The following OR8G5 variants were observed in gnomAD, a reference collection of about 807,000 sequenced individuals.
The protein encoded by OR8G5 is olfactory receptor family 8 subfamily G member 5.
For missense variants in OR8G5, 347 were observed against 371.9 expected (o/e 0.93, Z 0.55); for synonymous variants, 147 against 147.7 (o/e 1.00, Z 0.03).
intron 1 of OR8G5, among the ~76,000 whole-genome samples, chr11:124,259,219 A>G (rs1188918136): frequency 1.3e-5 from 2 of 152,182 alleles, no homozygotes; most frequent in Non-Finnish European, 2.9e-5. Flanking sequence ...AAAGATTCTG[A>G]TTCACTAAAT....
At chr11:124,263,470 G>A (rs986737567) in intron 1 of OR8G5, among the ~76,000 whole-genome samples, 7 of 150,962 alleles carry the variant, frequency 4.6e-5, no homozygotes, top group Non-Finnish European at 1.0e-4. Context: ...TTAACATTAG[G>A]TATATCTCCT....
At position 124,265,812 on chromosome 11, in the gene OR8G5, A is replaced by C. The variant is rs1862024746; in HGVS notation, c.881A>C (p.Asn294Thr). 1 of 1,613,880 alleles carries C rather than the reference A, an allele frequency of 6.2e-7. No homozygotes were observed. The highest frequency in any genetic ancestry group is 1.3e-5 in the African/African-American group (1 of 74,922). The stretch of plus-strand genomic sequence containing the variant: ...AACCCCCTGATCTACAGCCTGAGGA[A>C]TAAAGATGTCCACGTTGCCCTGAAG... ...MLNPLIYSLRNKDVHVALKKT... is the reference protein window; with the variant it reads ...MLNPLIYSLRTKDVHVALKKT... Residue 294 changes from asparagine (N) to threonine (T), a missense_variant, in exon 2 of 2, where the codon AAT (asparagine) becomes ACT (threonine). By Grantham distance (65) the Asn-to-Thr change is moderately conservative (BLOSUM62 0). Transcript: ENST00000641992.
chr11:124,262,244 G>T (rs1465091967), intron 1 of OR8G5, among the ~76,000 whole-genome samples: 1 of 151,728 alleles, frequency 6.6e-6, no homozygotes, highest in African/African-American at 2.4e-5. Context: ...CAGACTTCTA[G>T]CATGAATGAT....
In OR8G5 at chr11:124,265,033, C is replaced by CT; in HGVS notation, c.103dup (p.Tyr35LeufsTer36). On this transcript the variant is annotated frameshift_variant, in exon 2 of 2. Transcript: ENST00000641992. LOFTEE classifies it low-confidence loss of function (END_TRUNC). The stretch of plus-strand genomic sequence containing the variant: ...CCCTCTTCCTCGTCTTCCTGGGAAT[C>CT]TATGTAGTCACAGTGCTGGGGAACC... 1.9e-6 allele frequency: 3 copies of CT among 1,614,120 alleles called. No individual in the cohort carries two copies. Among genetic ancestry groups the CT allele is most frequent in the Non-Finnish European group, 2.5e-6 (3 of 1,179,988 alleles).
Position 124,265,637 on chromosome 11 carries a change from A to G in OR8G5, c.706A>G (p.Lys236Glu), listed in dbSNP as rs1565320713. The G allele has an allele frequency of 6.2e-7, 1 of 1,614,050 alleles. No individual in the cohort carries two copies. The stretch of plus-strand genomic sequence containing the variant: ...CATTCGCTACACTGAGGGCAGGTCC[A>G]AAGCCTTCAGCACTTGCAGCTCCCA... ...LRIRYTEGRSKAFSTCSSHIS... is the reference protein window; with the variant it reads ...LRIRYTEGRSEAFSTCSSHIS... The change falls in exon 2 of 2, where the codon AAA becomes GAA. Residue 236 changes from lysine (K) to glutamate (E), a missense_variant. Physicochemically the swap from Lys to Glu is moderately conservative, Grantham distance 56. Transcript: ENST00000641992.
At chr11:124,256,750 TATTC>T (rs1861917399) in intron 1 of OR8G5, 116 bp downstream of exon 1, 1 of 150,998 alleles carries the variant, frequency 6.6e-6, no homozygotes. Flanking sequence ...ATCAATCATT[TATTC>T]TTAAAAGTAC....
At chr11:124,260,177 T>G (rs1474848174) in intron 1 of OR8G5, among the ~76,000 whole-genome samples, 1 of 42,246 alleles carries the variant, frequency 2.4e-5, no homozygotes, top group African/African-American at 5.6e-5. Context: ...AGTCATGCAT[T>G]TTTTTTGTCT....
At chr11:124,262,524 A>G (rs924826255) in intron 1 of OR8G5, among the ~76,000 whole-genome samples, 2 of 152,038 alleles carry the variant, frequency 1.3e-5, no homozygotes, top group Non-Finnish European at 2.9e-5. Flanking sequence ...AGAGAGCTAC[A>G]CTGGTGAATA....
intron 1 of OR8G5, among the ~76,000 whole-genome samples, chr11:124,263,666 A>G (rs1431539025): frequency 6.6e-6 from 1 of 151,958 alleles, no homozygotes; most frequent in Non-Finnish European, 1.5e-5. Flanking sequence ...TGTTCTTTCT[A>G]AGAAATCATA....
intron 1 of OR8G5, among the ~76,000 whole-genome samples, chr11:124,258,910 TAATA>T (rs1288803642): frequency 6.6e-6 from 1 of 152,226 alleles, no homozygotes; most frequent in Non-Finnish European, 1.5e-5. Flanking sequence ...AATTGTTTTT[TAATA>T]AATAAGCTAT....
intron 1 of OR8G5, among the ~76,000 whole-genome samples, chr11:124,260,608 G>A (rs1861960866): frequency 6.6e-6 from 1 of 151,706 alleles, no homozygotes. Context: ...CTATACATAA[G>A]TTTGAGAGAC....
chr11:124,258,485 G>C (rs1334538039), intron 1 of OR8G5, among the ~76,000 whole-genome samples: 3 of 151,834 alleles, frequency 2.0e-5, no homozygotes, highest in African/African-American at 7.3e-5. Flanking sequence ...TTGAACCCAG[G>C]AGGTGAAGGT....
chr11:124,264,917 G>A lies in OR8G5; in HGVS notation c.-14-1G>A, dbSNP rs377083928. On this transcript the variant is annotated splice_acceptor_variant, in intron 1 of 1. Transcript: ENST00000641992. LOFTEE classifies it low-confidence loss of function (5UTR_SPLICE). ...TACCATGTTTTTTCTCTCCCCTGCA[G>A]AAACTCATCAAAGAATGGCAGCAGA... The A allele has an allele frequency of 3.2e-5, 51 of 1,613,380 alleles. No individual in the cohort carries two copies. In the African/African-American group the frequency reaches 6.1e-4, roughly 19 times the overall value.
At chr11:124,264,640 T>G (rs1862009708) in intron 1 of OR8G5, among the ~76,000 whole-genome samples, 1 of 152,200 alleles carries the variant, frequency 6.6e-6, no homozygotes, top group African/African-American at 2.4e-5. Context: ...AGTTTGCAAG[T>G]ATTAGCTTAA....
chr11:124,259,088 C>T lies in OR8G5; in HGVS notation c.-15+2454C>T, dbSNP rs1035055570. 5.3e-5 allele frequency among the ~76,000 whole-genome samples: 8 copies of T among 152,240 alleles called. No homozygotes were observed. In the South Asian group the frequency reaches 1.5e-3, roughly 28 times the overall value. On this transcript the variant is annotated intron_variant, in intron 1 of 1. Transcript: ENST00000641992. The stretch of plus-strand genomic sequence containing the variant: ...AAGTTAATAAATATTTTCCCTGCTA[C>T]ATTTTAATTTGTTTCAACTCTGTTC...
At chr11:124,260,906 C>T (rs1861964454) in intron 1 of OR8G5, among the ~76,000 whole-genome samples, 1 of 151,862 alleles carries the variant, frequency 6.6e-6, no homozygotes, top group Non-Finnish European at 1.5e-5. Flanking sequence ...TGTTACTGAA[C>T]ATTAGGAACT....
At chr11:124,257,142 A>G (rs1861921359) in intron 1 of OR8G5, among the ~76,000 whole-genome samples, 1 of 114,546 alleles carries the variant, frequency 8.7e-6, no homozygotes, top group Non-Finnish European at 2.1e-5. Context: ...ACAAGACCTA[A>G]GAGTAGAAAG....
At position 124,265,237 on chromosome 11, in the gene OR8G5, C is replaced by G. The variant is rs1862015885; in HGVS notation, c.306C>G (p.Tyr102Ter). The change falls in exon 2 of 2, where the codon TAC (tyrosine) becomes TAG (stop). Residue 102 changes from tyrosine (Y) to a stop codon, truncating the protein, a stop_gained. Coordinates refer to ENST00000641992, the MANE Select transcript of OR8G5 (RefSeq NM_001005198.2). LOFTEE classifies it low-confidence loss of function (END_TRUNC). The part of the protein sequence containing the change: ...ISYPECMTQL[Y>*]FFLVFAIAEC... ...ACCCTGAATGCATGACTCAGCTCTA[C>G]TTCTTCCTCGTTTTTGCTATTGCAG... is the stretch of plus-strand genomic sequence containing the variant. 4 of 1,614,020 alleles carry G rather than the reference C, an allele frequency of 2.5e-6. No individual in the cohort carries two copies. Among genetic ancestry groups the G allele is most frequent in the Non-Finnish European group, 2.5e-6 (3 of 1,179,902 alleles).
intron 1 of OR8G5, among the ~76,000 whole-genome samples, chr11:124,263,906 G>A (rs367684659): frequency 1.3e-5 from 2 of 151,956 alleles, no homozygotes; most frequent in African/African-American, 4.8e-5. Context: ...AACAGAAAGG[G>A]GATCACACTT....
Sources: gnomAD v4.1 joint callset for allele counts (sites outside exome capture counted in the v4.1 genomes callset) on GRCh38, gnomAD v4.1.1 for gene constraint, MANE v1.5 for transcripts, NCBI Gene and HGNC (gene_info 2026-07-23, HGNC 2026-07-21) for gene names.